The following SLC9C1 variants were observed in gnomAD, a reference collection of about 807,000 sequenced individuals.
The protein encoded by SLC9C1 is solute carrier family 9 member C1, also known as sodium/hydrogen exchanger 10.
SLC9C1 carries 97 observed loss-of-function variants against 140.9 expected under a neutral mutation model. That is an observed-to-expected ratio of 0.69 (90% CI 0.58 to 0.82). The LOEUF (loss-of-function observed/expected upper bound fraction) is 0.82. Ranked by LOEUF, SLC9C1 falls within the 40% of genes least tolerant of loss-of-function variation. The pLI is 0.00. For missense variants in SLC9C1, 1,340 were observed against 1,389.3 expected (o/e 0.96, Z 0.56); for synonymous variants, 440 against 442.6 (o/e 0.99, Z 0.07).
rs369357343 is a variant in SLC9C1 at position 112,214,010 on chromosome 3, C to T, written c.1790+3432G>A. On this transcript the variant is annotated intron_variant, in intron 15 of 28. Transcript: ENST00000305815. Reference sequence around the variant, plus strand: ...GAACAGAAATTATAACAAACTGTCTCTCAGACCACAGTGCAATCAAATTAG... The same window carrying T: ...GAACAGAAATTATAACAAACTGTCTTTCAGACCACAGTGCAATCAAATTAG... Among the ~76,000 whole-genome samples, 153 of 152,328 alleles carry T rather than the reference C, an allele frequency of 1.0e-3. 3 individuals carry two copies. The East Asian group carries it at 0.013, about 13-fold the overall frequency.
chr3:112,214,876 A>T (rs9858855), intron 15 of SLC9C1, among the ~76,000 whole-genome samples: 114,894 of 152,134 alleles, frequency 0.76, 43,799 homozygotes, highest in East Asian at 0.99. Context: ...AGCATCATCC[A>T]GATATCAAAG....
chr3:112,221,061 A>G lies in SLC9C1; in HGVS notation c.1670+67T>C, dbSNP rs2078527191. On this transcript the variant is annotated intron_variant, in intron 14 of 28. Transcript: ENST00000305815. The stretch of plus-strand genomic sequence containing the variant: ...CAAGTTACCAGACAAAAACAAGAAA[A>G]CTCACTTGGGTAATTTCCTAAATGC... The G allele has an allele frequency of 3.0e-6, 4 of 1,329,568 alleles. No individual in the cohort carries two copies. In the Admixed American group the frequency reaches 7.6e-5, roughly 25 times the overall value. 82.4% of individuals were successfully genotyped at this position (1,329,568 alleles called of 1,614,324 possible).
intron 5 of SLC9C1, among the ~76,000 whole-genome samples, chr3:112,276,989 GAA>G (rs1280508294): frequency 6.6e-6 from 1 of 152,156 alleles, no homozygotes; most frequent in East Asian, 1.9e-4. Context: ...AATTAAAATT[GAA>G]AAGAGTATGC....
chr3:112,193,306 G>A (rs373465219), intron 20 of SLC9C1, among the ~76,000 whole-genome samples: 13 of 152,324 alleles, frequency 8.5e-5, no homozygotes, highest in South Asian at 2.1e-4. Context: ...ATGGGCATGC[G>A]ACTATTTAGC....
chr3:112,233,312 C>A (rs1302845730), intron 12 of SLC9C1, among the ~76,000 whole-genome samples: 2 of 152,078 alleles, frequency 1.3e-5, no homozygotes, highest in Non-Finnish European at 1.5e-5. Flanking sequence ...AGCAATTCAC[C>A]TGCCTTGGCT....
rs1445614131 is a variant in SLC9C1, at chr3:112,163,237, A to G, written c.3364+3984T>C. Among the ~76,000 whole-genome samples the G allele has an allele frequency of 2.5e-3, 361 of 146,138 alleles. 1 individual carries two copies. Among genetic ancestry groups the G allele is most frequent in the African/African-American group, 8.5e-3 (334 of 39,512 alleles). On this transcript the variant is annotated intron_variant, in intron 26 of 28. Coordinates refer to ENST00000305815, the MANE Select transcript of SLC9C1 (RefSeq NM_183061.3). ...CAAAAAACCAGCTCCTGGATTCATT[A>G]ATTTTTTGAAGGGTTTTTTGTGTCT... is the stretch of plus-strand genomic sequence containing the variant.
intron 6 of SLC9C1, 111 bp from the exon 7 acceptor site, chr3:112,270,188 G>A: frequency 9.1e-7 from 1 of 1,099,220 alleles, no homozygotes; most frequent in Non-Finnish European, 1.2e-6. Flanking sequence ...TTAGCTAACT[G>A]CCACAATGAA....
intron 23 of SLC9C1, among the ~76,000 whole-genome samples, chr3:112,170,507 A>T (rs2077225938): frequency 6.6e-6 from 1 of 152,124 alleles, no homozygotes; most frequent in Non-Finnish European, 1.5e-5. Context: ...TGAGTTCCTT[A>T]TATATTTTAG....
intron 18 of SLC9C1, among the ~76,000 whole-genome samples, chr3:112,201,546 G>T (rs1450406074): frequency 1.3e-5 from 2 of 152,000 alleles, no homozygotes; most frequent in African/African-American, 4.8e-5. Flanking sequence ...GTCTTGAAAA[G>T]TAAATATTGC....
At chr3:112,145,646 G>T (rs1441906069) in intron 28 of SLC9C1, among the ~76,000 whole-genome samples, 1 of 74,922 alleles carries the variant, frequency 1.3e-5, no homozygotes, top group Non-Finnish European at 2.5e-5. Flanking sequence ...TTCAATTTTG[G>T]AACCTGATAT....
At chr3:112,212,470 C>T (rs1032526651) in intron 15 of SLC9C1, among the ~76,000 whole-genome samples, 16 of 152,104 alleles carry the variant, frequency 1.1e-4, no homozygotes, top group African/African-American at 3.6e-4. Flanking sequence ...AAAGATTAGA[C>T]AAATGGCTAA....
intron 23 of SLC9C1, among the ~76,000 whole-genome samples, chr3:112,169,868 G>A (rs55920270): frequency 0.014 from 2,192 of 152,112 alleles, 56 homozygotes; most frequent in African/African-American, 0.05. Flanking sequence ...AGCATAGGAT[G>A]TTTTTCATTT....
chr3:112,183,349 C>CTTTTTTT lies in SLC9C1; in HGVS notation c.2524-1098_2524-1092dup, dbSNP rs200437815. On this transcript the variant is annotated intron_variant, in intron 20 of 28. Transcript: ENST00000305815. ...ACGACAATGATATTTAGCACCTTTTCTTTTTTTTTTTTTTTTTTTTTCAGC... is the reference window on the plus strand; with the variant it reads ...ACGACAATGATATTTAGCACCTTTTCTTTTTTTTTTTTTTTTTTTTTTTTTTTTCAGC... Among the ~76,000 whole-genome samples, 64 of 95,368 alleles carry CTTTTTTT rather than the reference C, an allele frequency of 6.7e-4. 7 individuals carry two copies. The highest frequency in any genetic ancestry group is 2.0e-3 in the African/African-American group (41 of 20,380). 62.6% of individuals were successfully genotyped at this position (95,368 alleles called of 152,430 possible).
intron 11 of SLC9C1, among the ~76,000 whole-genome samples, 164 bp from the exon 12 acceptor site, chr3:112,240,170 T>G (rs2079102845): frequency 6.6e-6 from 1 of 152,224 alleles, no homozygotes; most frequent in Non-Finnish European, 1.5e-5. Context: ...ATTTTCTGCT[T>G]TCATATTTCT....
intron 20 of SLC9C1, chr3:112,186,124 G>T: frequency 1.7e-6 from 1 of 597,332 alleles, no homozygotes; most frequent in Non-Finnish European, 2.6e-6. Flanking sequence ...TGTATATTCT[G>T]GATATGAGTT....
Position 112,202,367 on chromosome 3 carries a change from A to T in SLC9C1, c.2205T>A (p.Asp735Glu), listed in dbSNP as rs1229972473. The T allele has an allele frequency of 6.2e-7, 1 of 1,605,734 alleles. No homozygotes were observed. Among genetic ancestry groups the T allele is most frequent in the Non-Finnish European group, 8.5e-7 (1 of 1,175,668 alleles). The change falls in exon 18 of 29, where the codon GAT becomes GAA. Residue 735 changes from aspartate to glutamate, a missense_variant. By Grantham distance (45) the Asp-to-Glu change is conservative. Coordinates refer to ENST00000305815, the MANE Select transcript of SLC9C1 (RefSeq NM_183061.3). ...AGGTCTTCTGATGACTCATTCTTTT[A>T]TCTATTATTTGCAGCAACTTTGGTG... ...LIAPKLLQII[D>E]KRMSHQKTFW... is the part of the protein sequence containing the mutation.
At chr3:112,247,686 A>G (rs1406204726) in intron 10 of SLC9C1, among the ~76,000 whole-genome samples, 7 of 152,212 alleles carry the variant, frequency 4.6e-5, no homozygotes, top group South Asian at 4.1e-4. Flanking sequence ...CTACTTTGTT[A>G]ATTGAATGCC....
Position 112,202,257 on chromosome 3 carries a change from A to T in SLC9C1, c.2315T>A (p.Ile772Asn), listed in dbSNP as rs1173553073. ...IIDQITSSKQ[I>N]KQMLLKQVIR... is the part of the protein sequence containing the mutation. ...GATTTAAGGTTTTCTTACCTGTTTAATCTGTTTAGAACTTGTAATCTGATC... is the reference window on the plus strand; with the variant it reads ...GATTTAAGGTTTTCTTACCTGTTTATTCTGTTTAGAACTTGTAATCTGATC... Residue 772 changes from isoleucine (I) to asparagine (N), a missense_variant, in exon 18 of 29, where the codon ATT becomes AAT. Physicochemically the swap from Ile to Asn is moderately radical, Grantham distance 149. Transcript: ENST00000305815. 2 of 1,609,546 alleles carry T rather than the reference A, an allele frequency of 1.2e-6. No homozygotes were observed. The highest frequency in any genetic ancestry group is 1.7e-6 in the Non-Finnish European group (2 of 1,178,404).
intron 8 of SLC9C1, among the ~76,000 whole-genome samples, chr3:112,265,211 G>A (rs901257534): frequency 6.6e-6 from 1 of 151,976 alleles, no homozygotes; most frequent in Non-Finnish European, 1.5e-5. Flanking sequence ...AGGAACGCAG[G>A]CAAGAAAGAC....
Sources: allele counts gnomAD v4.1 joint callset (sites outside exome capture counted in the v4.1 genomes callset), GRCh38; gene constraint gnomAD v4.1.1; transcripts MANE v1.5; gene names NCBI Gene and HGNC (gene_info 2026-07-23, HGNC 2026-07-21).